Variants in SH3BGRL2 observed in about 807,000 individuals in gnomAD.
The protein encoded by SH3BGRL2 is SH3 domain-binding glutamic acid-rich-like protein 2.
A neutral mutation model predicts 14.8 loss-of-function variants in SH3BGRL2; 21 were observed. That is an observed-to-expected ratio of 1.42 (90% CI 1.01 to 2.05). SH3BGRL2 has a LOEUF of 2.05. SH3BGRL2 is among the 30% of genes most tolerant of loss of function. The probability of loss-of-function intolerance (pLI) is 0.00; values close to 1 mark genes in which losing one functional copy is unlikely to be tolerated. For missense variants in SH3BGRL2, 147 were observed against 130.8 expected (o/e 1.12, Z -0.61); for synonymous variants, 50 against 47.8 (o/e 1.05, Z -0.19).
chr6:79,556,492 T>A, the SH3BGRL2 span, among the ~76,000 whole-genome samples: 2 of 152,050 alleles, frequency 1.3e-5, no homozygotes. Context: ...TTGTTTCATA[T>A]TTCAAGAACA....
the SH3BGRL2 span, among the ~76,000 whole-genome samples, chr6:79,598,285 T>C: frequency 6.6e-6 from 1 of 152,150 alleles, no homozygotes; most frequent in Admixed American, 6.5e-5. Context: ...CACAAAAATA[T>C]GTACATGAAC....
chr6:79,615,049 T>C, the SH3BGRL2 span, among the ~76,000 whole-genome samples: 1 of 107,258 alleles, frequency 9.3e-6, no homozygotes, highest in East Asian at 2.1e-4. Flanking sequence ...CATAAGCGAC[T>C]GATAAGGCAC....
chr6:79,631,370 G>T lies in SH3BGRL2; in HGVS notation c.-92G>T. 3 of 1,202,838 alleles carry T rather than the reference G, an allele frequency of 2.5e-6. No homozygotes were observed. The highest frequency in any genetic ancestry group is 2.2e-6 in the Non-Finnish European group (2 of 901,734). The allele number at this position is 1,202,838 out of a possible 1,614,324, so 74.5% of individuals were successfully genotyped here. On this transcript the variant is annotated 5_prime_UTR_variant, in exon 1 of 4. In the 5' UTR this introduces an upstream ATG that the reference lacks. Coordinates refer to ENST00000369838, the MANE Select transcript of SH3BGRL2 (RefSeq NM_031469.4). Reference sequence around the variant, plus strand: ...CCCCGACGGCAGCGCTTTACCCAGAGGCTGCCGGCGGCTCGTAGCTGGGTT... The same window carrying T: ...CCCCGACGGCAGCGCTTTACCCAGATGCTGCCGGCGGCTCGTAGCTGGGTT...
chr6:79,547,792 A>T, the SH3BGRL2 span, among the ~76,000 whole-genome samples: 2 of 152,346 alleles, frequency 1.3e-5, no homozygotes, highest in South Asian at 4.1e-4. Context: ...TTAGAAAAAA[A>T]AATGTAATTT....
the SH3BGRL2 span, among the ~76,000 whole-genome samples, chr6:79,551,865 G>A: frequency 6.6e-6 from 1 of 152,138 alleles, no homozygotes; most frequent in Admixed American, 6.5e-5. Flanking sequence ...CAAGGTGGGT[G>A]GATCACCTGA....
intron 1 of SH3BGRL2, among the ~76,000 whole-genome samples, chr6:79,639,197 T>G (rs1768984990): frequency 6.6e-6 from 1 of 152,134 alleles, no homozygotes; most frequent in Non-Finnish European, 1.5e-5. Flanking sequence ...TAGAAATGGG[T>G]GACAGAATAG....
At chr6:79,567,668 A>T in the SH3BGRL2 span, among the ~76,000 whole-genome samples, 1 of 152,258 alleles carries the variant, frequency 6.6e-6, no homozygotes, top group Non-Finnish European at 1.5e-5. Flanking sequence ...CCTGAAGAAA[A>T]TAGATTATTT....
At chr6:79,664,929 T>A (rs1473543273) in intron 1 of SH3BGRL2, among the ~76,000 whole-genome samples, 3 of 152,182 alleles carry the variant, frequency 2.0e-5, no homozygotes, top group African/African-American at 7.2e-5. Flanking sequence ...TGCCCAGGCA[T>A]GGTGGCTCAC....
chr6:79,692,432 A>G (rs543389822), intron 2 of SH3BGRL2, among the ~76,000 whole-genome samples: 5 of 152,310 alleles, frequency 3.3e-5, no homozygotes, highest in African/African-American at 1.2e-4. Flanking sequence ...GTCCTTGCCC[A>G]TGCCTATGTC....
chr6:79,699,698 G>A lies in SH3BGRL2; in HGVS notation c.*189G>A. ...TGCATGATTGCTTTAAACCAAATCA[G>A]GTGGTGGATTTTTTTTTTCTTATTC... is the stretch of plus-strand genomic sequence containing the variant. On this transcript the variant is annotated 3_prime_UTR_variant, in exon 4 of 4. Transcript: ENST00000369838. 1.3e-6 allele frequency: 1 copy of A among 761,898 alleles called. No homozygotes were observed. Among genetic ancestry groups the A allele is most frequent in the South Asian group, 4.3e-5 (1 of 23,022 alleles). 47.2% of individuals were successfully genotyped at this position (761,898 alleles called of 1,614,324 possible).
intron 1 of SH3BGRL2, among the ~76,000 whole-genome samples, chr6:79,659,957 T>C (rs1317704397): frequency 1.3e-5 from 2 of 152,198 alleles, no homozygotes; most frequent in Non-Finnish European, 2.9e-5. Context: ...TATTGGTGTA[T>C]AAGAATGCTT....
chr6:79,608,042 G>A, the SH3BGRL2 span, among the ~76,000 whole-genome samples: 1 of 152,188 alleles, frequency 6.6e-6, no homozygotes, highest in Non-Finnish European at 1.5e-5. Flanking sequence ...CACAATCATG[G>A]AGGAAGGTGA....
intron 2 of SH3BGRL2, among the ~76,000 whole-genome samples, chr6:79,682,971 G>A (rs2127736112): frequency 6.6e-6 from 1 of 152,308 alleles, no homozygotes; most frequent in African/African-American, 2.4e-5. Flanking sequence ...AACACTGCAT[G>A]TTCTCACTCA....
chr6:79,621,445 C>G, the SH3BGRL2 span, among the ~76,000 whole-genome samples: 2 of 152,176 alleles, frequency 1.3e-5, no homozygotes, highest in African/African-American at 4.8e-5. Context: ...CATCTATGAA[C>G]CAGGAAAGAA....
At chr6:79,655,317 T>G (rs1582721351) in intron 1 of SH3BGRL2, among the ~76,000 whole-genome samples, 2 of 152,166 alleles carry the variant, frequency 1.3e-5, no homozygotes, top group South Asian at 4.1e-4. Context: ...TGGGTACGAT[T>G]GAGCAGATGA....
intron 3 of SH3BGRL2, 24 bp from the exon 4 acceptor site, chr6:79,699,463 CTTTTTTTTTTT>C (rs35728679): frequency 3.3e-5 from 29 of 880,930 alleles, no homozygotes; most frequent in East Asian, 7.6e-5. Context: ...CAATAACTGA[CTTTTTTTTTTT>C]TTTTTTTTTT....
At position 79,702,462 on chromosome 6, in the gene SH3BGRL2, A is replaced by T. The variant is rs1002420065; in HGVS notation, c.*2953A>T. ...TGTCTCTTAAAGCATTGGTGAAATCACATATTTTATATTCAGCATAAAGGA... is the reference window on the plus strand; with the variant it reads ...TGTCTCTTAAAGCATTGGTGAAATCTCATATTTTATATTCAGCATAAAGGA... On this transcript the variant is annotated 3_prime_UTR_variant, in exon 4 of 4. Coordinates refer to ENST00000369838, the MANE Select transcript of SH3BGRL2 (RefSeq NM_031469.4). 3 of 152,586 alleles carry T rather than the reference A, an allele frequency of 2.0e-5. No homozygotes were observed. The highest frequency in any genetic ancestry group is 7.2e-5 in the African/African-American group (3 of 41,454). 9.5% of individuals were successfully genotyped at this position (152,586 alleles called of 1,614,324 possible).
the SH3BGRL2 span, among the ~76,000 whole-genome samples, chr6:79,577,289 C>T: frequency 6.6e-6 from 1 of 151,914 alleles, no homozygotes; most frequent in Non-Finnish European, 1.5e-5. Flanking sequence ...TATAGTAAGC[C>T]TTGAAATCAG....
the SH3BGRL2 span, among the ~76,000 whole-genome samples, chr6:79,612,654 T>G: frequency 2.0e-5 from 3 of 152,174 alleles, no homozygotes; most frequent in Non-Finnish European, 2.9e-5. Flanking sequence ...CTTGGGGTGT[T>G]TTGGCAACAA....
Sources: allele counts gnomAD v4.1 joint callset (sites outside exome capture counted in the v4.1 genomes callset), GRCh38; gene constraint gnomAD v4.1.1; transcripts MANE v1.5; gene names NCBI Gene and HGNC (gene_info 2026-07-23, HGNC 2026-07-21).